OR52N4: variants seen among roughly 807,000 people sequenced by gnomAD.
OR52N4 encodes olfactory receptor 52N4.
Under a neutral mutation model 15.0 loss-of-function variants are expected in OR52N4, and 15 were observed. The ratio of observed to expected loss-of-function variants is 1.00; its 90% CI spans 0.67 to 1.54. OR52N4 has a LOEUF of 1.54. Among genes scored for constraint, OR52N4 ranks in the 40% most tolerant of loss-of-function variants. The probability of loss-of-function intolerance (pLI) is 0.00; values close to 1 mark genes in which losing one functional copy is unlikely to be tolerated. For missense variants in OR52N4, 421 were observed against 394.0 expected (o/e 1.07, Z -0.58); for synonymous variants, 143 against 143.7 (o/e 1.00, Z 0.03).
At chr11:5,746,698 G>A in the OR52N4 span, among the ~76,000 whole-genome samples, 1 of 152,078 alleles carries the variant, frequency 6.6e-6, no homozygotes, top group East Asian at 1.9e-4. Context: ...CTGTGAGCGG[G>A]AATGTAAATT....
the OR52N4 span, among the ~76,000 whole-genome samples, chr11:5,728,542 G>A: frequency 1.1e-4 from 17 of 152,162 alleles, no homozygotes; most frequent in African/African-American, 3.4e-4. Context: ...TTTTGAGTTC[G>A]CCAATAGTAC....
the OR52N4 span, among the ~76,000 whole-genome samples, chr11:5,733,044 T>C: frequency 6.6e-6 from 1 of 152,204 alleles, no homozygotes; most frequent in East Asian, 1.9e-4. Flanking sequence ...TATATCTTCA[T>C]AGCTTAAAAT....
the OR52N4 span, among the ~76,000 whole-genome samples, chr11:5,727,842 C>G: frequency 6.6e-6 from 1 of 152,194 alleles, no homozygotes; most frequent in Non-Finnish European, 1.5e-5. Context: ...TACCAGCTAT[C>G]TTACCAGCTG....
At chr11:5,736,897 G>A in the OR52N4 span, 1 of 1,613,996 alleles carries the variant, frequency 6.2e-7, no homozygotes, top group Non-Finnish European at 8.5e-7. Flanking sequence ...TACTCTGCAT[G>A]GCTTTTGATA....
upstream of OR52N4, among the ~76,000 whole-genome samples, chr11:5,753,393 A>G (rs1854227915): frequency 6.6e-6 from 1 of 152,122 alleles, no homozygotes; most frequent in Non-Finnish European, 1.5e-5. Context: ...TTAATATAAA[A>G]GTTTGTGCCT....
chr11:5,755,687 C>T lies in OR52N4; in HGVS notation c.947C>T (p.Thr316Ile). The T allele has an allele frequency of 1.2e-6, 2 of 1,613,004 alleles. No homozygotes were observed. The highest frequency in any genetic ancestry group is 2.2e-5 in the South Asian group (2 of 91,004). ...VIRILSGSKD[T>I]KSYSM is the part of the protein sequence containing the mutation. ...AGGATCCTTTCAGGTTCTAAGGATA[C>T]CAAATCCTACAGCATGTGAATGAAC... The change falls in exon 2 of 2, where the codon ACC becomes ATC. Residue 316 changes from threonine (T) to isoleucine (I), a missense_variant. Coordinates refer to ENST00000641350, the MANE Select transcript of OR52N4 (RefSeq NM_001005175.5).
chr11:5,746,653 AAAC>A, the OR52N4 span, among the ~76,000 whole-genome samples: 125 of 152,316 alleles, frequency 8.2e-4, no homozygotes, highest in African/African-American at 3.0e-3. Flanking sequence ...AAATGTGTAT[AAAC>A]AACAGATTTT....
At chr11:5,730,471 G>A in the OR52N4 span, among the ~76,000 whole-genome samples, 5 of 151,686 alleles carry the variant, frequency 3.3e-5, no homozygotes, top group East Asian at 7.8e-4. Flanking sequence ...GATTACAGGC[G>A]TGAGCCACCA....
At chr11:5,736,890 T>A in the OR52N4 span, 1 of 1,614,070 alleles carries the variant, frequency 6.2e-7, no homozygotes, top group Non-Finnish European at 8.5e-7. Flanking sequence ...GGTATCCTAC[T>A]CTGCATGGCT....
upstream of OR52N4, among the ~76,000 whole-genome samples, chr11:5,753,082 T>C (rs964579949): frequency 5.3e-5 from 8 of 152,190 alleles, no homozygotes; most frequent in Non-Finnish European, 1.0e-4. Context: ...TTTTAGGCTA[T>C]ACTACAAATC....
the OR52N4 span, chr11:5,737,110 T>C: frequency 1.2e-6 from 2 of 1,614,022 alleles, no homozygotes; most frequent in Non-Finnish European, 1.7e-6. Flanking sequence ...GCCTGGCTTG[T>C]GATGACAGGA....
the OR52N4 span, among the ~76,000 whole-genome samples, chr11:5,745,203 CA>C: frequency 6.6e-6 from 1 of 152,024 alleles, no homozygotes; most frequent in African/African-American, 2.4e-5. Context: ...CTAGAGCAAT[CA>C]AGGAAAAGAA....
chr11:5,735,749 T>C, the OR52N4 span, among the ~76,000 whole-genome samples: 45 of 152,288 alleles, frequency 3.0e-4, 1 homozygote, highest in South Asian at 2.3e-3. Flanking sequence ...TTTTTGAGCA[T>C]TGAATGGCAA....
the OR52N4 span, among the ~76,000 whole-genome samples, chr11:5,746,100 A>C: frequency 2.0e-5 from 3 of 152,316 alleles, no homozygotes; most frequent in Non-Finnish European, 4.4e-5. Flanking sequence ...GGATAGCTGT[A>C]GGTAGAAGAA....
the OR52N4 span, chr11:5,737,195 T>C: frequency 1.9e-6 from 3 of 1,613,926 alleles, no homozygotes; most frequent in Non-Finnish European, 2.5e-6. Flanking sequence ...TATACTGTCA[T>C]ATATTTTGAT....
At chr11:5,750,782 T>C (rs940654290), upstream of OR52N4, among the ~76,000 whole-genome samples, 1 of 152,156 alleles carries the variant, frequency 6.6e-6, no homozygotes, top group East Asian at 1.9e-4. Flanking sequence ...AAACATTTCA[T>C]GTATTGAAGA....
rs775853399 is a variant in OR52N4, at chr11:5,755,381, T to G, written c.641T>G (p.Leu214Arg). ...VALLIWGFDILCITNSYTMIL... is the reference protein window; with the variant it reads ...VALLIWGFDIRCITNSYTMIL... ...CTCCTGATTTGGGGCTTTGACATAC[T>G]GTGTATCACCAACTCCTATACCATG... Residue 214 changes from leucine (L) to arginine (R), a missense_variant, in exon 2 of 2, where the codon CTG (leucine) becomes CGG (arginine). Physicochemically the swap from Leu to Arg is moderately radical, Grantham distance 102. Coordinates refer to ENST00000641350, the MANE Select transcript of OR52N4 (RefSeq NM_001005175.5). 1 of 1,613,980 alleles carries G rather than the reference T, an allele frequency of 6.2e-7. No homozygotes were observed. The highest frequency in any genetic ancestry group is 1.3e-5 in the African/African-American group (1 of 74,930).
At chr11:5,747,187 A>G in the OR52N4 span, among the ~76,000 whole-genome samples, 3 of 151,482 alleles carry the variant, frequency 2.0e-5, no homozygotes, top group Non-Finnish European at 4.4e-5. Flanking sequence ...TTTGAAATAC[A>G]TTGGTCAAAG....
chr11:5,755,794 A>G lies in OR52N4; in HGVS notation c.*88A>G. 1 of 1,437,170 alleles carries G rather than the reference A, an allele frequency of 7.0e-7. No homozygotes were observed. Among genetic ancestry groups the G allele is most frequent in the South Asian group, 1.4e-5 (1 of 71,960 alleles). The allele number at this position is 1,437,170 out of a possible 1,614,324, so 89.0% of individuals were successfully genotyped here. A position where few individuals can be genotyped will look rare whatever the true frequency, so the allele number is the denominator to read the frequency against. On this transcript the variant is annotated 3_prime_UTR_variant, in exon 2 of 2. Coordinates refer to ENST00000641350, the MANE Select transcript of OR52N4 (RefSeq NM_001005175.5). Reference sequence around the variant, plus strand: ...GAGTTCATAAAATCTTTCTGGAAGCACTGTATTGATCACAAAATGGAGTTT... The same window carrying G: ...GAGTTCATAAAATCTTTCTGGAAGCGCTGTATTGATCACAAAATGGAGTTT...
Sources: gnomAD v4.1 joint callset for allele counts (sites outside exome capture counted in the v4.1 genomes callset) on GRCh38, gnomAD v4.1.1 for gene constraint, MANE v1.5 for transcripts, NCBI Gene and HGNC (gene_info 2026-07-23, HGNC 2026-07-21) for gene names.